RARB: variants seen among roughly 807,000 people sequenced by gnomAD.
The protein encoded by RARB is HBV-activated protein.
Under a neutral mutation model 51.9 loss-of-function variants are expected in RARB, and 17 were observed. The observed-to-expected ratio is 0.33, with a 90% confidence interval of 0.22 to 0.49. The LOEUF (loss-of-function observed/expected upper bound fraction) is 0.49, where lower values mean the gene tolerates loss of function less well. Among genes scored for constraint, RARB ranks in the 20% least tolerant of loss-of-function variants. The pLI is 0.99. For missense variants in RARB, 369 were observed against 550.8 expected (o/e 0.67, Z 3.30); for synonymous variants, 215 against 195.4 (o/e 1.10, Z -0.84).
At chr3:24,843,507 C>T (rs1035361638) in intron 1 of RARB, among the ~76,000 whole-genome samples, 1 of 152,188 alleles carries the variant, frequency 6.6e-6, no homozygotes, top group Non-Finnish European at 1.5e-5. Context: ...CTGGCACATT[C>T]TGGGTCCATT....
At chr3:25,408,332 C>T (rs1041598087) in intron 5 of RARB, among the ~76,000 whole-genome samples, 1 of 152,008 alleles carries the variant, frequency 6.6e-6, no homozygotes, top group Non-Finnish European at 1.5e-5. Flanking sequence ...AGGAAACTTA[C>T]AATCATGGTG....
chr3:24,983,492 C>A (rs773864544), intron 2 of RARB, among the ~76,000 whole-genome samples: 2 of 151,926 alleles, frequency 1.3e-5, no homozygotes, highest in Non-Finnish European at 2.9e-5. Context: ...GGTTTTAAGC[C>A]CTACATGCAT....
rs532263233 is a variant in RARB, at chr3:25,202,238, T to C, written c.178+27663T>C. On this transcript the variant is annotated intron_variant, in intron 5 of 11. Transcript: ENST00000383772. The stretch of plus-strand genomic sequence containing the variant: ...TATTTGCGTAGAGGTGTTTATAGTA[T>C]TCTCTGATGGTAGTTTGTATTTATG... Among the ~76,000 whole-genome samples the C allele has an allele frequency of 4.6e-5, 7 of 152,334 alleles. No homozygotes were observed. The East Asian group carries it at 1.3e-3, about 29-fold the overall frequency.
intron 5 of RARB, among the ~76,000 whole-genome samples, chr3:25,583,677 G>A (rs547571060): frequency 2.0e-5 from 3 of 152,184 alleles, no homozygotes; most frequent in Admixed American, 1.3e-4. Context: ...CCTTCCAGGG[G>A]AATTTCCCAT....
At chr3:24,955,685 CT>C (rs1032455349) in intron 2 of RARB, among the ~76,000 whole-genome samples, 1 of 151,754 alleles carries the variant, frequency 6.6e-6, no homozygotes, top group Non-Finnish European at 1.5e-5. Flanking sequence ...CTTATATGCC[CT>C]TTTTTTTAGG....
intron 2 of RARB, among the ~76,000 whole-genome samples, chr3:24,913,688 G>A (rs574257876): frequency 1.3e-5 from 2 of 152,210 alleles, no homozygotes; most frequent in Admixed American, 6.5e-5. Context: ...ACTCATCTGA[G>A]TCTGTTCAAT....
At chr3:25,334,658 C>A (rs986834214) in intron 5 of RARB, among the ~76,000 whole-genome samples, 41 of 151,918 alleles carry the variant, frequency 2.7e-4, no homozygotes, top group African/African-American at 9.4e-4. Context: ...TGCACATGTA[C>A]CCTAGAACTT....
intron 5 of RARB, among the ~76,000 whole-genome samples, chr3:25,252,839 A>G (rs961053538): frequency 1.3e-5 from 2 of 152,180 alleles, no homozygotes; most frequent in African/African-American, 4.8e-5. Flanking sequence ...AGCCCAACAC[A>G]CAAAGTGTGA....
chr3:25,022,655 T>G (rs953055228), intron 2 of RARB, among the ~76,000 whole-genome samples: 40 of 152,162 alleles, frequency 2.6e-4, no homozygotes, highest in African/African-American at 9.2e-4. Flanking sequence ...AGCATCACAT[T>G]GTAGATTTAA....
intron 5 of RARB, among the ~76,000 whole-genome samples, chr3:25,363,619 C>T (rs1706021795): frequency 6.6e-6 from 1 of 152,176 alleles, no homozygotes; most frequent in African/African-American, 2.4e-5. Context: ...TACCATCATC[C>T]TGGTCCAAGC....
At chr3:25,108,046 C>T (rs563407360) in intron 3 of RARB, among the ~76,000 whole-genome samples, 1 of 152,264 alleles carries the variant, frequency 6.6e-6, no homozygotes, top group East Asian at 1.9e-4. Context: ...AACAGTAGAT[C>T]TGATCACCGA....
At chr3:25,558,011 A>G (rs755324068) in intron 3 of RARB, among the ~76,000 whole-genome samples, 1 of 152,134 alleles carries the variant, frequency 6.6e-6, no homozygotes, top group Admixed American at 6.5e-5. Context: ...GTGAATGCAT[A>G]TTTCAAGATC....
At chr3:25,509,995 T>C (rs1697808911) in intron 3 of RARB, among the ~76,000 whole-genome samples, 1 of 152,194 alleles carries the variant, frequency 6.6e-6, no homozygotes, top group African/African-American at 2.4e-5. Flanking sequence ...GCTTTTGCTG[T>C]TAGCCACCTG....
At chr3:25,303,852 C>G (rs1704095808) in intron 5 of RARB, among the ~76,000 whole-genome samples, 2 of 152,114 alleles carry the variant, frequency 1.3e-5, no homozygotes, top group Admixed American at 1.3e-4. Flanking sequence ...TTGCAAATTG[C>G]AGAGTCCAGG....
At position 25,405,069 on chromosome 3, in the gene RARB, G is replaced by A. The variant is rs78276690; in HGVS notation, c.179-56124G>A. On this transcript the variant is annotated intron_variant, in intron 5 of 11. Transcript: ENST00000383772. The stretch of plus-strand genomic sequence containing the variant: ...GTTAAATGGCATTTGCAGGTTTCAT[G>A]TCTCTGTTTGCTCCATGAGATGCGA... Among the ~76,000 whole-genome samples the A allele has an allele frequency of 1.3e-3, 205 of 152,272 alleles. 5 individuals carry two copies. In the East Asian group the frequency reaches 0.035, roughly 26 times the overall value.
intron 5 of RARB, among the ~76,000 whole-genome samples, chr3:25,590,585 A>G (rs1358457008): frequency 1.3e-5 from 2 of 152,056 alleles, no homozygotes; most frequent in Non-Finnish European, 2.9e-5. Flanking sequence ...CAGTGGCGTG[A>G]TCCCAGCTCA....
At chr3:24,986,407 T>G (rs1320171985) in intron 2 of RARB, among the ~76,000 whole-genome samples, 1 of 152,212 alleles carries the variant, frequency 6.6e-6, no homozygotes, top group Admixed American at 6.5e-5. Context: ...AAGATAAAAA[T>G]TATTTTAGAA....
chr3:25,411,992 C>T (rs1362402732), intron 5 of RARB, among the ~76,000 whole-genome samples: 1 of 152,138 alleles, frequency 6.6e-6, no homozygotes, highest in Non-Finnish European at 1.5e-5. Context: ...AGTGGAATCA[C>T]CCATTCTGAT....
chr3:24,835,439 A>G (rs1702332223), intron 1 of RARB, among the ~76,000 whole-genome samples: 1 of 152,214 alleles, frequency 6.6e-6, no homozygotes. Flanking sequence ...AGGGATGGTG[A>G]AAATTAGAGT....
Sources: gnomAD v4.1 joint callset for allele counts (sites outside exome capture counted in the v4.1 genomes callset) on GRCh38, gnomAD v4.1.1 for gene constraint, MANE v1.5 for transcripts, NCBI Gene and HGNC (gene_info 2026-07-23, HGNC 2026-07-21) for gene names.